UNC13C: variants seen among roughly 807,000 people sequenced by gnomAD.
UNC13C encodes unc-13 homolog C, also known as protein unc-13 homolog C.
A neutral mutation model predicts 245.4 loss-of-function variants in UNC13C; 174 were observed. The ratio of observed to expected loss-of-function variants is 0.71; its 90% CI spans 0.63 to 0.80. The LOEUF is 0.80. UNC13C is among the 30% of genes least tolerant of loss of function. The probability of loss-of-function intolerance (pLI) is 0.00; values close to 1 mark genes in which losing one functional copy is unlikely to be tolerated. For missense variants in UNC13C, 2,829 were observed against 2,602.9 expected (o/e 1.09, Z -1.89); for synonymous variants, 992 against 895.1 (o/e 1.11, Z -1.93).
the UNC13C span, among the ~76,000 whole-genome samples, chr15:53,929,056 A>G: frequency 2.0e-5 from 3 of 152,194 alleles, no homozygotes; most frequent in African/African-American, 7.2e-5. Flanking sequence ...TGGGTAATTT[A>G]TAAAGGAAAG....
chr15:54,216,548 A>G (rs893287786), intron 4 of UNC13C, among the ~76,000 whole-genome samples: 1 of 151,956 alleles, frequency 6.6e-6, no homozygotes, highest in African/African-American at 2.4e-5. Context: ...AGCAGAACAG[A>G]CATACTCCTT....
chr15:54,262,634 A>C (rs1035543054), intron 8 of UNC13C, among the ~76,000 whole-genome samples: 2 of 152,164 alleles, frequency 1.3e-5, no homozygotes, highest in Non-Finnish European at 2.9e-5. Flanking sequence ...TAGACCATTT[A>C]CAATGTCCTT....
chr15:54,369,923 G>T (rs2039451289), intron 17 of UNC13C, among the ~76,000 whole-genome samples: 1 of 152,048 alleles, frequency 6.6e-6, no homozygotes, highest in Admixed American at 6.6e-5. Context: ...GTTAGTTAGG[G>T]ATCCTCGGTT....
intron 24 of UNC13C, among the ~76,000 whole-genome samples, chr15:54,518,920 C>G (rs1207557754): frequency 6.6e-6 from 1 of 152,108 alleles, no homozygotes; most frequent in Non-Finnish European, 1.5e-5. Context: ...CACAATTAGC[C>G]AATAGATGCA....
chr15:54,105,266 G>T (rs901664341), intron 2 of UNC13C, among the ~76,000 whole-genome samples: 1 of 152,112 alleles, frequency 6.6e-6, no homozygotes, highest in Non-Finnish European at 1.5e-5. Context: ...CTAACTGCCC[G>T]TGATGGTGAA....
At chr15:54,361,631 G>A (rs769824223) in intron 17 of UNC13C, among the ~76,000 whole-genome samples, 16 of 152,172 alleles carry the variant, frequency 1.1e-4, no homozygotes, top group Non-Finnish European at 2.2e-4. Flanking sequence ...ATTCTTTGGT[G>A]GTATTAGACC....
At chr15:54,368,848 A>C (rs8037178) in intron 17 of UNC13C, among the ~76,000 whole-genome samples, 1 of 152,152 alleles carries the variant, frequency 6.6e-6, no homozygotes, top group Non-Finnish European at 1.5e-5. Context: ...TAAATGGAAC[A>C]GAGTAGGCAC....
At chr15:54,467,131 A>G (rs1470133415) in intron 19 of UNC13C, among the ~76,000 whole-genome samples, 1 of 151,862 alleles carries the variant, frequency 6.6e-6, no homozygotes, top group Non-Finnish European at 1.5e-5. Context: ...ATTTTAAACA[A>G]GGACTGGAAA....
At chr15:54,299,939 G>A (rs754072470) in intron 12 of UNC13C, among the ~76,000 whole-genome samples, 1 of 152,120 alleles carries the variant, frequency 6.6e-6, no homozygotes, top group Non-Finnish European at 1.5e-5. Context: ...GACCTATCCA[G>A]AGCTATTATG....
intron 2 of UNC13C, among the ~76,000 whole-genome samples, chr15:54,043,005 C>T (rs532875543): frequency 2.0e-5 from 3 of 152,220 alleles, no homozygotes; most frequent in Non-Finnish European, 4.4e-5. Context: ...AGCCTGGAAA[C>T]ATGACTGCTG....
intron 19 of UNC13C, among the ~76,000 whole-genome samples, chr15:54,448,870 C>T (rs891009782): frequency 6.6e-5 from 10 of 152,130 alleles, no homozygotes; most frequent in African/African-American, 1.9e-4. Flanking sequence ...TTCCTAGCCT[C>T]GATGGTCTTT....
chr15:54,628,336 GT>G lies in UNC13C; in HGVS notation c.*1225del, dbSNP rs1383216600. 2 of 152,506 alleles carry G rather than the reference GT, an allele frequency of 1.3e-5. No individual in the cohort carries two copies. The highest frequency in any genetic ancestry group is 2.9e-5 in the Non-Finnish European group (2 of 68,030). 9.4% of individuals were successfully genotyped at this position (152,506 alleles called of 1,614,324 possible). A position where few individuals can be genotyped will look rare whatever the true frequency, so the allele number is the denominator to read the frequency against. On this transcript the variant is annotated 3_prime_UTR_variant, in exon 33 of 33. Transcript: ENST00000260323. ...GTAATTATAACTTATGGTCATAACT[GT>G]TAGTGGACTACTTACAGAAGCAGAA...
chr15:54,177,902 T>C (rs2033668954), intron 4 of UNC13C, among the ~76,000 whole-genome samples: 2 of 152,094 alleles, frequency 1.3e-5, no homozygotes, highest in Admixed American at 1.3e-4. Context: ...ATTAAACATT[T>C]TTTCTCATTT....
chr15:53,962,171 A>G, the UNC13C span, among the ~76,000 whole-genome samples: 1 of 152,072 alleles, frequency 6.6e-6, no homozygotes, highest in Non-Finnish European at 1.5e-5. Context: ...TCCTGCTTGT[A>G]TTTTGTTTAA....
intron 18 of UNC13C, among the ~76,000 whole-genome samples, chr15:54,406,677 T>C (rs771311036): frequency 1.3e-5 from 2 of 152,340 alleles, no homozygotes; most frequent in East Asian, 3.9e-4. Flanking sequence ...AGTACAATTA[T>C]GGAATTTCCA....
At chr15:54,568,773 A>G (rs1310634346) in intron 30 of UNC13C, among the ~76,000 whole-genome samples, 1 of 152,170 alleles carries the variant, frequency 6.6e-6, no homozygotes, top group East Asian at 1.9e-4. Context: ...GAACATACAG[A>G]TAAGTTTTTA....
At chr15:54,113,787 C>T (rs1367061324) in intron 2 of UNC13C, among the ~76,000 whole-genome samples, 2 of 152,124 alleles carry the variant, frequency 1.3e-5, no homozygotes, top group Admixed American at 6.5e-5. Flanking sequence ...GATCGCACCA[C>T]TGCACTCCAG....
intron 4 of UNC13C, among the ~76,000 whole-genome samples, chr15:54,184,808 G>A (rs1409547039): frequency 6.6e-6 from 1 of 152,136 alleles, no homozygotes; most frequent in Non-Finnish European, 1.5e-5. Context: ...GGGTCAAATG[G>A]TATTTCTAGT....
intron 4 of UNC13C, among the ~76,000 whole-genome samples, chr15:54,229,866 A>T (rs2035500448): frequency 6.6e-6 from 1 of 152,052 alleles, no homozygotes; most frequent in African/African-American, 2.4e-5. Flanking sequence ...TGTCATCAAG[A>T]TCATGTGGTA....
Sources: allele counts gnomAD v4.1 joint callset (sites outside exome capture counted in the v4.1 genomes callset), GRCh38; gene constraint gnomAD v4.1.1; transcripts MANE v1.5; gene names NCBI Gene and HGNC (gene_info 2026-07-23, HGNC 2026-07-21).